ARFGEF3: variants seen among roughly 807,000 people sequenced by gnomAD.
The protein encoded by ARFGEF3 is brefeldin A-inhibited guanine nucleotide-exchange protein 3.
A neutral mutation model predicts 221.7 loss-of-function variants in ARFGEF3; 96 were observed. The observed-to-expected ratio is 0.43, with a 90% CI of 0.37 to 0.51. The LOEUF is 0.51. ARFGEF3 is among the 20% of genes least tolerant of loss of function. The probability of loss-of-function intolerance (pLI) is 0.00; values close to 1 mark genes in which losing one functional copy is unlikely to be tolerated. For missense variants in ARFGEF3, 2,410 were observed against 2,789.9 expected (o/e 0.86, Z 3.07); for synonymous variants, 1,145 against 1,126.8 (o/e 1.02, Z -0.32).
chr6:138,318,904 A>G (rs1276372149), intron 27 of ARFGEF3, among the ~76,000 whole-genome samples: 1 of 152,210 alleles, frequency 6.6e-6, no homozygotes, highest in Non-Finnish European at 1.5e-5. Context: ...TACAATAGAA[A>G]TAGTATGTGG....
rs1416463013 is a variant in ARFGEF3 at position 138,287,194 on chromosome 6, G to A, written c.2896+10G>A. ...GATGCCATCACACAAGGTAACAACT[G>A]GAGGGCCAGAACCCACCTGGTGCCT... On this transcript the variant is annotated intron_variant, in intron 17 of 33. Transcript: ENST00000251691. The A allele has an allele frequency of 2.6e-6, 4 of 1,553,900 alleles. No homozygotes were observed. Among genetic ancestry groups the A allele is most frequent in the South Asian group, 1.2e-5 (1 of 84,190 alleles).
chr6:138,250,900 C>CTCT (rs371292043), intron 8 of ARFGEF3, among the ~76,000 whole-genome samples: 1,555 of 152,314 alleles, frequency 0.01, 24 homozygotes, highest in African/African-American at 0.035. Flanking sequence ...TTCTAGGTTA[C>CTCT]TTTTTGCCTT....
At chr6:138,317,216 C>T in intron 26 of ARFGEF3, 35 bp from the exon 27 acceptor site, 1 of 1,602,758 alleles carries the variant, frequency 6.2e-7, no homozygotes. Flanking sequence ...TTGTGTCTAA[C>T]TGGATTTCAT....
chr6:138,337,215 T>C lies in ARFGEF3; in HGVS notation c.*729T>C, dbSNP rs1464417216. 6.6e-6 allele frequency: 1 copy of C among 152,664 alleles called. No individual in the cohort carries two copies. The highest frequency in any genetic ancestry group is 1.5e-5 in the Non-Finnish European group (1 of 68,052). 9.5% of individuals were successfully genotyped at this position (152,664 alleles called of 1,614,324 possible). A position where few individuals can be genotyped will look rare whatever the true frequency, so the allele number is the denominator to read the frequency against. On this transcript the variant is annotated 3_prime_UTR_variant, in exon 34 of 34. Transcript: ENST00000251691. ...TGGCTTATCAGCCTGTGACACAGAG[T>C]ACCCAGTGAAAGTGGCTGGTACGTA...
intron 14 of ARFGEF3, among the ~76,000 whole-genome samples, chr6:138,282,241 C>T (rs923559859): frequency 2.0e-5 from 3 of 152,114 alleles, no homozygotes; most frequent in Admixed American, 6.6e-5. Context: ...AGGCGTGAGC[C>T]GCCGCACCCA....
At chr6:138,329,811 G>A (rs1780191739) in intron 32 of ARFGEF3, among the ~76,000 whole-genome samples, 1 of 152,228 alleles carries the variant, frequency 6.6e-6, no homozygotes, top group Non-Finnish European at 1.5e-5. Context: ...GTGATGTTAG[G>A]TGGCTTTCAT....
chr6:138,280,339 T>G (rs903875942), intron 14 of ARFGEF3, among the ~76,000 whole-genome samples, 175 bp downstream of exon 14: 12 of 151,912 alleles, frequency 7.9e-5, no homozygotes, highest in African/African-American at 1.5e-4. Context: ...TTCACAGGAG[T>G]TTTCTGTCCC....
rs1373674062 is a variant in ARFGEF3 at position 138,340,263 on chromosome 6, A to T, written c.*3777A>T. 6.6e-6 allele frequency: 1 copy of T among 152,230 alleles called. No individual in the cohort carries two copies. Among genetic ancestry groups the T allele is most frequent in the Non-Finnish European group, 1.5e-5 (1 of 68,038 alleles). 9.4% of individuals were successfully genotyped at this position (152,230 alleles called of 1,614,324 possible). A position where few individuals can be genotyped will look rare whatever the true frequency, so the allele number is the denominator to read the frequency against. On this transcript the variant is annotated 3_prime_UTR_variant, in exon 34 of 34. Transcript: ENST00000251691. The stretch of plus-strand genomic sequence containing the variant: ...AATTTTTAAATCAAACATGACAAAA[A>T]TGTTAATATAATTCAGAAGTACCTT...
At chr6:138,199,605 T>G (rs1777496970) in intron 2 of ARFGEF3, among the ~76,000 whole-genome samples, 1 of 152,232 alleles carries the variant, frequency 6.6e-6, no homozygotes, top group Non-Finnish European at 1.5e-5. Flanking sequence ...CTTTGTTAGG[T>G]ATATTCCTAA....
intron 23 of ARFGEF3, 109 bp from the exon 24 acceptor site, chr6:138,308,630 A>G (rs1215080883): frequency 1.6e-6 from 2 of 1,226,632 alleles, no homozygotes; most frequent in Admixed American, 1.9e-5. Flanking sequence ...TCCCCAGTAG[A>G]TCTTTCTCAA....
intron 14 of ARFGEF3, among the ~76,000 whole-genome samples, chr6:138,282,814 C>T (rs982060935): frequency 1.3e-5 from 2 of 152,072 alleles, no homozygotes; most frequent in Admixed American, 6.6e-5. Context: ...TTTGGGAGGC[C>T]GAGGCGGGTG....
In ARFGEF3 at chr6:138,294,048, T is replaced by C; in HGVS notation, c.3424T>C (p.Tyr1142His). 1 of 1,613,960 alleles carries C rather than the reference T, an allele frequency of 6.2e-7. No individual in the cohort carries two copies. ...CCTCATGGCCTTGGGAGGTTTTCTT[T>C]ACCAGCTGAAGAAAGCATCGCAGTC... ...LNLMALGGFL[Y>H]QLKKASQSQL... The change falls in exon 20 of 34, where the codon TAC (tyrosine) becomes CAC (histidine). Residue 1142 changes from tyrosine to histidine, a missense_variant. Tyr to His is a moderately conservative substitution (Grantham distance 83). Coordinates refer to ENST00000251691, the MANE Select transcript of ARFGEF3 (RefSeq NM_020340.5).
intron 32 of ARFGEF3, among the ~76,000 whole-genome samples, chr6:138,329,959 G>A (rs1182105384): frequency 6.9e-6 from 1 of 144,482 alleles, no homozygotes; most frequent in African/African-American, 2.4e-5. Flanking sequence ...TATAGGATTT[G>A]GGTAGGTAAA....
intron 25 of ARFGEF3, among the ~76,000 whole-genome samples, chr6:138,312,673 G>A (rs1779850427): frequency 6.6e-6 from 1 of 152,096 alleles, no homozygotes; most frequent in Non-Finnish European, 1.5e-5. Context: ...CAGAGCACAG[G>A]GCTAAAGGAT....
At chr6:138,274,334 G>T (rs1019439599) in intron 12 of ARFGEF3, among the ~76,000 whole-genome samples, 1 of 152,128 alleles carries the variant, frequency 6.6e-6, no homozygotes, top group Non-Finnish European at 1.5e-5. Flanking sequence ...TACCATGGAA[G>T]GAGACTGGTC....
intron 2 of ARFGEF3, among the ~76,000 whole-genome samples, chr6:138,171,098 C>G (rs1776820310): frequency 6.7e-6 from 1 of 148,692 alleles, no homozygotes. Flanking sequence ...GGCCTGACCT[C>G]CCAATACTGT....
intron 12 of ARFGEF3, among the ~76,000 whole-genome samples, chr6:138,264,152 T>C (rs1367314899): frequency 6.6e-6 from 1 of 152,142 alleles, no homozygotes; most frequent in Admixed American, 6.5e-5. Context: ...ATCTGTTGAA[T>C]TGTGACTCAG....
chr6:138,300,870 A>AT (rs1779617494), intron 22 of ARFGEF3, among the ~76,000 whole-genome samples: 1 of 152,234 alleles, frequency 6.6e-6, no homozygotes, highest in South Asian at 2.1e-4. Context: ...CTGACATGAG[A>AT]TTAAGGTAAT....
intron 8 of ARFGEF3, among the ~76,000 whole-genome samples, chr6:138,251,062 A>G (rs1237524122): frequency 6.6e-6 from 1 of 152,120 alleles, no homozygotes; most frequent in Non-Finnish European, 1.5e-5. Flanking sequence ...TGTTTTCCAG[A>G]CTGCCGCAAC....
Sources: gnomAD v4.1 joint callset for allele counts (sites outside exome capture counted in the v4.1 genomes callset) on GRCh38, gnomAD v4.1.1 for gene constraint, MANE v1.5 for transcripts, NCBI Gene and HGNC (gene_info 2026-07-23, HGNC 2026-07-21) for gene names.